Variants in MYEF2 observed in about 807,000 individuals in gnomAD.
MYEF2 encodes the protein myelin expression factor 2.
Under a neutral mutation model 75.2 loss-of-function variants are expected in MYEF2, and 37 were observed. The observed-to-expected ratio is 0.49, with a 90% confidence interval of 0.38 to 0.65. The LOEUF (loss-of-function observed/expected upper bound fraction) is 0.65. Ranked by LOEUF, MYEF2 falls within the 30% of genes least tolerant of loss-of-function variation. MYEF2 has a pLI of 0.00. For missense variants in MYEF2, 634 were observed against 771.4 expected, an observed-to-expected ratio of 0.82 and a Z score of 2.11; for synonymous variants, 195 against 241.6, an observed-to-expected ratio of 0.81 and a Z score of 1.79.
rs36075490 is a variant in MYEF2 at position 48,149,357 on chromosome 15, T to C, written c.1393A>G (p.Ser465Gly). The C allele has an allele frequency of 0.014, 22,292 of 1,612,512 alleles. 1,347 individuals are homozygous for C. The highest frequency in any genetic ancestry group is 0.13 in the African/African-American group (9,898 of 74,848). Residue 465 changes from serine to glycine, a missense_variant, in exon 15 of 17, where the codon AGC (serine) becomes GGC (glycine). Physicochemically the swap from Ser to Gly is moderately conservative, Grantham distance 56. Coordinates refer to ENST00000324324, the MANE Select transcript of MYEF2 (RefSeq NM_016132.5). The surrounding 1 kb of genome is among the most constrained non-coding windows in gnomAD (Gnocchi z 4.0). ...ATTCCTCCAGTCACACTGTTCATGC[T>C]ACCCATTCCACCACCTGGATTTTCA... Reference protein sequence around the residue: ...VGSGISGGMGSMNSVTGGMGM... With the variant: ...VGSGISGGMGGMNSVTGGMGM...
rs1016145908 is a variant in MYEF2 at position 48,140,401 on chromosome 15, C to T, written c.*2507G>A. On this transcript the variant is annotated 3_prime_UTR_variant, in exon 17 of 17. Transcript: ENST00000324324. ...AAAAAAAAGAGAAAGAAAAAAAAGA[C>T]GCTAAACCAAGTTTTCAATTACAAC... is the stretch of plus-strand genomic sequence containing the variant. 11 of 151,852 alleles carry T rather than the reference C, an allele frequency of 7.2e-5. 1 individual carries two copies. The highest frequency in any genetic ancestry group is 1.0e-4 in the Non-Finnish European group (7 of 67,920). 9.4% of individuals were successfully genotyped at this position (151,852 alleles called of 1,614,324 possible).
At chr15:48,145,142 T>C (rs2039234016) in intron 16 of MYEF2, among the ~76,000 whole-genome samples, 1 of 151,814 alleles carries the variant, frequency 6.6e-6, no homozygotes, top group Non-Finnish European at 1.5e-5. Context: ...CTAAGATACT[T>C]CAACTTCCTC....
At chr15:48,171,476 T>C (rs1459980207) in intron 1 of MYEF2, among the ~76,000 whole-genome samples, 1 of 145,294 alleles carries the variant, frequency 6.9e-6, no homozygotes, top group Non-Finnish European at 1.5e-5. Flanking sequence ...TTAAAATATT[T>C]ACTCAAAGAT....
Position 48,142,271 on chromosome 15 carries a change from T to C in MYEF2, c.*637A>G, listed in dbSNP as rs2039117686. ...GTTGGGAATAGTCTGCCTATTATCA[T>C]ACTTGGGGCTTGCTACATTATCAGT... is the stretch of plus-strand genomic sequence containing the variant. On this transcript the variant is annotated 3_prime_UTR_variant, in exon 17 of 17. Transcript: ENST00000324324. 4 of 1,613,760 alleles carry C rather than the reference T, an allele frequency of 2.5e-6. No individual in the cohort carries two copies. The highest frequency in any genetic ancestry group is 3.4e-6 in the Non-Finnish European group (4 of 1,179,750).
chr15:48,173,135 A>C (rs1383262938), intron 1 of MYEF2, among the ~76,000 whole-genome samples: 1 of 152,244 alleles, frequency 6.6e-6, no homozygotes, highest in African/African-American at 2.4e-5. Flanking sequence ...GCACATTAAA[A>C]GGATCATACA....
chr15:48,149,585 T>C lies in MYEF2; in HGVS notation c.1379-214A>G. The C allele has an allele frequency of 2.8e-6, 1 of 353,938 alleles. No individual in the cohort carries two copies. The highest frequency in any genetic ancestry group is 4.9e-5 in the East Asian group (1 of 20,554). 21.9% of individuals were successfully genotyped at this position (353,938 alleles called of 1,614,324 possible). ...TTCCAAAGAACAGAATTTGCTTACA[T>C]ATACATTTAGTTAGCTGAGAAATTC... On this transcript the variant is annotated intron_variant, in intron 14 of 16. Coordinates refer to ENST00000324324, the MANE Select transcript of MYEF2 (RefSeq NM_016132.5). The surrounding 1 kb of genome is among the most constrained non-coding windows in gnomAD (Gnocchi z 4.0).
intron 5 of MYEF2, among the ~76,000 whole-genome samples, chr15:48,163,583 G>A (rs925365503): frequency 6.6e-6 from 1 of 152,208 alleles, no homozygotes; most frequent in African/African-American, 2.4e-5. Context: ...GATTTTCAGT[G>A]TAATGAAACA....
intron 5 of MYEF2, among the ~76,000 whole-genome samples, chr15:48,160,492 C>CACAT (rs2039898385): frequency 6.6e-6 from 1 of 151,322 alleles, no homozygotes; most frequent in African/African-American, 2.4e-5. Context: ...AACATACACA[C>CACAT]ACACACACAC....
chr15:48,170,812 C>T (rs892199705), intron 1 of MYEF2, among the ~76,000 whole-genome samples: 9 of 152,340 alleles, frequency 5.9e-5, no homozygotes, highest in South Asian at 2.1e-4. Flanking sequence ...AGCAGCACCT[C>T]GCACGGTGAC....
At chr15:48,177,223 A>C (rs932013942) in intron 1 of MYEF2, among the ~76,000 whole-genome samples, 3 of 152,198 alleles carry the variant, frequency 2.0e-5, no homozygotes, top group African/African-American at 7.2e-5. Context: ...CAGGACAGGA[A>C]CAAAGGAGAG....
chr15:48,178,033 C>T, intron 1 of MYEF2, 44 bp downstream of exon 1: 2 of 1,559,160 alleles, frequency 1.3e-6, no homozygotes, highest in Non-Finnish European at 1.7e-6. Flanking sequence ...CGGTAGACTC[C>T]CCGCCCCCCA....
chr15:48,143,222 C>A (rs2039149960), intron 16 of MYEF2, 151 bp from the exon 17 acceptor site: 3 of 428,068 alleles, frequency 7.0e-6, no homozygotes, highest in Non-Finnish European at 1.2e-5. Flanking sequence ...TATATTTGGA[C>A]TAAAATACAA....
rs375069220 is a variant in MYEF2 at position 48,152,545 on chromosome 15, A to G, written c.1088-261T>C. ...AACACCCACAACATTCAGTTAGAGAATATCTTGAACTAGGTAATCATTCAC... is the reference window on the plus strand; with the variant it reads ...AACACCCACAACATTCAGTTAGAGAGTATCTTGAACTAGGTAATCATTCAC... On this transcript the variant is annotated intron_variant, in intron 10 of 16. Transcript: ENST00000324324. 1.3e-4 allele frequency: 52 copies of G among 402,470 alleles called. No individual in the cohort carries two copies. In the East Asian group the frequency reaches 1.8e-3, roughly 14 times the overall value. The allele number at this position is 402,470 out of a possible 1,614,324, so 24.9% of individuals were successfully genotyped here. A position where few individuals can be genotyped will look rare whatever the true frequency, so the allele number is the denominator to read the frequency against.
rs979961090 is a variant in MYEF2, at chr15:48,135,339, G to A, written c.*7569C>T. ...CTGGGTTACTGCTCACCTTGCCTTG[G>A]TTAGAAGTGTTCATGGCCACAAAAG... On this transcript the variant is annotated 3_prime_UTR_variant, in exon 17 of 17. Coordinates refer to ENST00000324324, the MANE Select transcript of MYEF2 (RefSeq NM_016132.5). 6.4e-5 allele frequency: 11 copies of A among 173,212 alleles called. No homozygotes were observed. Among genetic ancestry groups the A allele is most frequent in the Non-Finnish European group, 1.2e-4 (10 of 80,630 alleles). 10.7% of individuals were successfully genotyped at this position (173,212 alleles called of 1,614,324 possible).
In MYEF2 at chr15:48,136,941, T is replaced by C. The variant is rs754321211; in HGVS notation, c.*5967A>G. The C allele has an allele frequency of 5.6e-6, 9 of 1,612,802 alleles. No individual in the cohort carries two copies. Among genetic ancestry groups the C allele is most frequent in the African/African-American group, 1.3e-5 (1 of 74,902 alleles). ...ACTCTCAGCTCTCTATAAGTTTACA[T>C]GGCCTTAGTCAGGTTTCTGAAGGTA... On this transcript the variant is annotated 3_prime_UTR_variant, in exon 17 of 17. Transcript: ENST00000324324.
intron 16 of MYEF2, among the ~76,000 whole-genome samples, chr15:48,148,002 G>A (rs1469506292): frequency 6.6e-6 from 1 of 151,846 alleles, no homozygotes; most frequent in African/African-American, 2.4e-5. Flanking sequence ...CTTCCACGTA[G>A]GATGGAAGAA....
chr15:48,135,045 G>C lies in MYEF2; in HGVS notation c.*7863C>G, dbSNP rs887779501. ...GATTTTATGAATTTCTGATGGTTCA[G>C]TAATTTTTTTTCAGAAATGTTATTT... On this transcript the variant is annotated 3_prime_UTR_variant, in exon 17 of 17. Coordinates refer to ENST00000324324, the MANE Select transcript of MYEF2 (RefSeq NM_016132.5). The C allele has an allele frequency of 7.4e-7, 1 of 1,351,132 alleles. No homozygotes were observed. Among genetic ancestry groups the C allele is most frequent in the Non-Finnish European group, 1.0e-6 (1 of 953,122 alleles). 83.7% of individuals were successfully genotyped at this position (1,351,132 alleles called of 1,614,324 possible).
rs796985429 is a variant in MYEF2, at chr15:48,151,805, TA to T, written c.1207+68del. The T allele has an allele frequency of 2.8e-5, 43 of 1,536,360 alleles. No homozygotes were observed. The African/African-American group carries it at 5.3e-4, about 19-fold the overall frequency. ...ATTTTTAGCACACATTCCTAAGTTA[TA>T]GGGGGGAAATATTAATAATAGGGAA... On this transcript the variant is annotated intron_variant, in intron 12 of 16. Coordinates refer to ENST00000324324, the MANE Select transcript of MYEF2 (RefSeq NM_016132.5).
rs1412073565 is a variant in MYEF2 at position 48,152,280 on chromosome 15, C to T, written c.1092G>A (p.Met364Ile). 1.9e-6 allele frequency: 3 copies of T among 1,609,116 alleles called. No individual in the cohort carries two copies. Among genetic ancestry groups the T allele is most frequent in the African/African-American group, 2.7e-5 (2 of 74,766 alleles). The change falls in exon 11 of 17, where the codon ATG becomes ATA. Residue 364 changes from methionine (M) to isoleucine (I), a missense_variant. Met to Ile is a conservative substitution (Grantham distance 10). Coordinates refer to ENST00000324324, the MANE Select transcript of MYEF2 (RefSeq NM_016132.5). ...CTCCAAAACCTGGACCATCCATTCC[C>T]ATACCTCAAATAAAATACACAGTAT... is the stretch of plus-strand genomic sequence containing the variant. The part of the protein sequence containing the change: ...GVMGNLGPGG[M>I]GMDGPGFGGM...
Sources: gnomAD v4.1 joint callset for allele counts (sites outside exome capture counted in the v4.1 genomes callset) on GRCh38, gnomAD v4.1.1 for gene constraint, Gnocchi (gnomAD v3.1) non-coding constraint, MANE v1.5 for transcripts, NCBI Gene and HGNC (gene_info 2026-07-23, HGNC 2026-07-21) for gene names.